Variants in SLC2A9 observed in about 807,000 individuals in gnomAD.
SLC2A9 encodes solute carrier family 2 member 9.
SLC2A9 carries 39 observed loss-of-function variants against 50.6 expected under a neutral mutation model. The observed-to-expected ratio is 0.77, with a 90% CI of 0.60 to 1.01. The LOEUF (loss-of-function observed/expected upper bound fraction) is 1.01, where lower values mean the gene tolerates loss of function less well. Among genes scored for constraint, SLC2A9 ranks in the 50% least tolerant of loss-of-function variants. SLC2A9 has a pLI of 0.00. For missense variants in SLC2A9, 686 were observed against 677.6 expected (o/e 1.01, Z -0.14); for synonymous variants, 324 against 276.9 (o/e 1.17, Z -1.69).
chr4:9,844,556 T>C (rs945957414), intron 10 of SLC2A9, among the ~76,000 whole-genome samples: 11 of 152,216 alleles, frequency 7.2e-5, no homozygotes, highest in African/African-American at 2.7e-4. Context: ...TGAAAAGGAA[T>C]TGAATTATGC....
intron 8 of SLC2A9, among the ~76,000 whole-genome samples, chr4:9,907,136 G>C (rs1362980983): frequency 6.6e-6 from 1 of 152,210 alleles, no homozygotes; most frequent in African/African-American, 2.4e-5. Flanking sequence ...ACTCCATCAA[G>C]GTCAGAGAAT....
intron 7 of SLC2A9, among the ~76,000 whole-genome samples, chr4:9,915,655 G>A (rs948719404): frequency 8.5e-5 from 13 of 152,196 alleles, no homozygotes; most frequent in African/African-American, 3.1e-4. Context: ...GTTCAATGTT[G>A]CAAGCTGCAT....
intron 10 of SLC2A9, among the ~76,000 whole-genome samples, chr4:9,851,033 G>T (rs1034424130): frequency 2.0e-5 from 3 of 146,394 alleles, no homozygotes; most frequent in African/African-American, 7.5e-5. Flanking sequence ...GCAGCTATAT[G>T]CAGGAACACC....
At position 9,835,023 on chromosome 4, in the gene SLC2A9, C is replaced by T; in HGVS notation, c.1292-15G>A. The T allele has an allele frequency of 1.9e-6, 3 of 1,612,780 alleles. No homozygotes were observed. Among genetic ancestry groups the T allele is most frequent in the Non-Finnish European group, 2.5e-6 (3 of 1,179,882 alleles). The stretch of plus-strand genomic sequence containing the variant: ...CGGGATGCCACCTGCAGTGTGTGAG[C>T]CAGGACATGGAATTAATCACTCTGA... On this transcript the variant is annotated splice_polypyrimidine_tract_variant and intron_variant, in intron 10 of 11. Coordinates refer to ENST00000264784, the MANE Select transcript of SLC2A9 (RefSeq NM_020041.3).
chr4:9,847,178 T>C (rs1329040843), intron 10 of SLC2A9, among the ~76,000 whole-genome samples: 3 of 152,194 alleles, frequency 2.0e-5, no homozygotes, highest in Admixed American at 2.0e-4. Context: ...TGAGACTGGG[T>C]AATTTATGAA....
intron 9 of SLC2A9, among the ~76,000 whole-genome samples, chr4:9,888,995 T>C (rs747976247): frequency 1.3e-5 from 2 of 152,212 alleles, no homozygotes; most frequent in Non-Finnish European, 1.5e-5. Flanking sequence ...AATGCAGATA[T>C]GGTTCATGCC....
chr4:9,880,502 G>C, intron 10 of SLC2A9: 2 of 985,140 alleles, frequency 2.0e-6, no homozygotes, highest in Non-Finnish European at 2.4e-6. Flanking sequence ...CAAACACTTG[G>C]AACAGAATCA....
chr4:9,829,875 G>A (rs192377674), intron 11 of SLC2A9, among the ~76,000 whole-genome samples: 6 of 152,262 alleles, frequency 3.9e-5, no homozygotes, highest in East Asian at 1.9e-4. Context: ...AGATGCTGGC[G>A]AGCTTGCGGA....
intron 5 of SLC2A9, among the ~76,000 whole-genome samples, chr4:9,973,795 G>C (rs559289736): frequency 7.9e-5 from 12 of 151,350 alleles, no homozygotes; most frequent in Non-Finnish European, 1.8e-4. Flanking sequence ...ACACCAATAT[G>C]GCACATGTAT....
chr4:9,881,091 C>T (rs977447274), intron 10 of SLC2A9, among the ~76,000 whole-genome samples: 1 of 152,242 alleles, frequency 6.6e-6, no homozygotes, highest in African/African-American at 2.4e-5. Context: ...GAGCACTTAG[C>T]TGTCATCAGA....
chr4:10,024,424 T>A (rs1169636704), upstream of SLC2A9, among the ~76,000 whole-genome samples: 3 of 152,138 alleles, frequency 2.0e-5, no homozygotes, highest in African/African-American at 7.2e-5. Flanking sequence ...CCTGGTGTCC[T>A]TATAGGAAGA....
intron 9 of SLC2A9, among the ~76,000 whole-genome samples, chr4:9,888,185 T>C (rs1244753634): frequency 6.6e-6 from 1 of 151,250 alleles, no homozygotes; most frequent in Admixed American, 6.6e-5. Context: ...GGTTGATGGG[T>C]GCAGCCAACC....
chr4:9,924,364 C>T (rs571566937), intron 6 of SLC2A9, among the ~76,000 whole-genome samples: 79 of 152,308 alleles, frequency 5.2e-4, no homozygotes, highest in African/African-American at 1.8e-3. Flanking sequence ...GCAGTTAACA[C>T]CCCCAGGAGC....
At chr4:9,804,035 G>A (rs1721810093) in intron 3 of SLC2A9, among the ~76,000 whole-genome samples, 1 of 152,174 alleles carries the variant, frequency 6.6e-6, no homozygotes. Context: ...TTGGTGCTCT[G>A]CAAAGTGATC....
intron 3 of SLC2A9, chr4:9,783,722 T>C (rs562881679): frequency 1.7e-4 from 69 of 407,822 alleles, no homozygotes; most frequent in Non-Finnish European, 1.8e-4. Context: ...AGTATGGTGC[T>C]GGGTCCTTAA....
intron 10 of SLC2A9, among the ~76,000 whole-genome samples, chr4:9,884,715 C>A (rs1031173325): frequency 6.6e-6 from 1 of 152,174 alleles, no homozygotes; most frequent in Admixed American, 6.5e-5. Flanking sequence ...AAGACACATG[C>A]ATGCATATAT....
intron 6 of SLC2A9, among the ~76,000 whole-genome samples, chr4:9,928,738 G>GCAAACAAA (rs968992754): frequency 6.6e-6 from 1 of 151,918 alleles, no homozygotes; most frequent in South Asian, 2.1e-4. Context: ...CTTCTCAAAA[G>GCAAACAAA]CAAACAAACA....
At chr4:9,892,753 G>A (rs1737756950) in intron 8 of SLC2A9, among the ~76,000 whole-genome samples, 1 of 152,160 alleles carries the variant, frequency 6.6e-6, no homozygotes, top group Admixed American at 6.5e-5. Context: ...AGTGCCCTGG[G>A]GATCTGGTCC....
intron 10 of SLC2A9, among the ~76,000 whole-genome samples, chr4:9,838,038 A>G (rs1727372123): frequency 6.6e-6 from 1 of 152,220 alleles, no homozygotes; most frequent in African/African-American, 2.4e-5. Flanking sequence ...GAACTACTAA[A>G]TGCAAACACT....
Sources: gnomAD v4.1 joint callset for allele counts (sites outside exome capture counted in the v4.1 genomes callset) on GRCh38, gnomAD v4.1.1 for gene constraint, MANE v1.5 for transcripts, NCBI Gene and HGNC (gene_info 2026-07-23, HGNC 2026-07-21) for gene names.